ZFPM2: variants seen among roughly 807,000 people sequenced by gnomAD.
ZFPM2 encodes zinc finger protein, FOG family member 2, also known as zinc finger protein ZFPM2.
ZFPM2 carries 20 observed loss-of-function variants against 98.6 expected under a neutral mutation model. That is an observed-to-expected ratio of 0.20 (90% CI 0.14 to 0.29). The LOEUF is 0.29. Ranked by LOEUF, ZFPM2 falls within the 10% of genes least tolerant of loss-of-function variation. ZFPM2 has a pLI of 1.00. For synonymous variants in ZFPM2, 518 were observed against 502.7 expected (o/e 1.03, Z -0.41); for missense variants, 1,310 against 1,388.6 (o/e 0.94, Z 0.90).
intron 3 of ZFPM2, among the ~76,000 whole-genome samples, chr8:105,544,547 T>A (rs1017206758): frequency 4.6e-5 from 7 of 152,224 alleles, no homozygotes; most frequent in African/African-American, 1.7e-4. Context: ...TTGATAATAA[T>A]TTCATGCAAC....
At chr8:105,595,001 A>G (rs1301956570) in intron 4 of ZFPM2, among the ~76,000 whole-genome samples, 1 of 152,178 alleles carries the variant, frequency 6.6e-6, no homozygotes, top group East Asian at 1.9e-4. Context: ...AGCAGTAGAA[A>G]CAACTTCTAG....
intron 5 of ZFPM2, among the ~76,000 whole-genome samples, chr8:105,706,349 G>T (rs1177076144): frequency 1.3e-5 from 2 of 152,122 alleles, no homozygotes; most frequent in Admixed American, 1.3e-4. Context: ...GCGTATGACA[G>T]TATGCAAAAA....
chr8:105,789,367 GAATGATGA>G (rs1813527883), intron 6 of ZFPM2, among the ~76,000 whole-genome samples: 1 of 152,150 alleles, frequency 6.6e-6, no homozygotes, highest in African/African-American at 2.4e-5. Flanking sequence ...AGTTTACTGA[GAATGATGA>G]TTTCCAATTT....
At chr8:105,516,273 C>G (rs1006074195) in intron 3 of ZFPM2, among the ~76,000 whole-genome samples, 2 of 152,074 alleles carry the variant, frequency 1.3e-5, no homozygotes, top group East Asian at 1.9e-4. Context: ...CTGTTACCCC[C>G]CTTGAGACAG....
chr8:105,568,483 A>G (rs1815285637), intron 4 of ZFPM2, among the ~76,000 whole-genome samples: 1 of 152,112 alleles, frequency 6.6e-6, no homozygotes, highest in South Asian at 2.1e-4. Context: ...GCCTGTAACT[A>G]CTACCATCTC....
intron 3 of ZFPM2, among the ~76,000 whole-genome samples, chr8:105,470,009 G>T (rs966734016): frequency 6.6e-6 from 1 of 152,132 alleles, no homozygotes; most frequent in African/African-American, 2.4e-5. Flanking sequence ...ATTAGCCATT[G>T]TTATGATAAT....
At chr8:105,482,397 A>T (rs1382999223) in intron 3 of ZFPM2, among the ~76,000 whole-genome samples, 1 of 152,098 alleles carries the variant, frequency 6.6e-6, no homozygotes, top group Non-Finnish European at 1.5e-5. Context: ...TTAAATTCAG[A>T]TGCTTTGTCC....
intron 1 of ZFPM2, among the ~76,000 whole-genome samples, chr8:105,401,323 G>A (rs1445620051): frequency 1.3e-5 from 2 of 151,838 alleles, no homozygotes; most frequent in African/African-American, 4.8e-5. Context: ...TTTTAAAAGT[G>A]ATTTTGTGCT....
chr8:105,793,245 A>C (rs1327865445), intron 6 of ZFPM2, among the ~76,000 whole-genome samples: 1 of 152,010 alleles, frequency 6.6e-6, no homozygotes, highest in Non-Finnish European at 1.5e-5. Flanking sequence ...TTCCATGTTT[A>C]GTGCTTCCTT....
At chr8:105,529,193 C>G (rs73304198) in intron 3 of ZFPM2, among the ~76,000 whole-genome samples, 129 of 152,090 alleles carry the variant, frequency 8.5e-4, no homozygotes, top group Middle Eastern at 3.4e-3. Flanking sequence ...TGTCTCTGTC[C>G]TCAACTCCTT....
intron 1 of ZFPM2, among the ~76,000 whole-genome samples, chr8:105,396,269 C>CT (rs1167264131): frequency 1.3e-5 from 2 of 152,256 alleles, no homozygotes; most frequent in African/African-American, 4.8e-5. Context: ...CAAACATTGA[C>CT]TATAGGAGTG....
chr8:105,586,862 A>ATTTTATATATATATATG (rs1321454741), intron 4 of ZFPM2, among the ~76,000 whole-genome samples: 1 of 148,524 alleles, frequency 6.7e-6, no homozygotes, highest in Non-Finnish European at 1.5e-5. Flanking sequence ...ATATATATAT[A>ATTTTATATATATATATG]TATTCTTTTG....
At chr8:105,717,936 A>G (rs1811563600) in intron 5 of ZFPM2, among the ~76,000 whole-genome samples, 1 of 151,794 alleles carries the variant, frequency 6.6e-6, no homozygotes, top group Non-Finnish European at 1.5e-5. Context: ...CTGGGCTGAA[A>G]CTTGAACCCA....
intron 5 of ZFPM2, among the ~76,000 whole-genome samples, chr8:105,703,479 A>G (rs553743547): frequency 6.6e-6 from 1 of 152,278 alleles, no homozygotes; most frequent in East Asian, 1.9e-4. Flanking sequence ...AGGGCAATCG[A>G]GGTACACAAA....
In ZFPM2 at chr8:105,791,351, G is replaced by A. The variant is rs992444323; in HGVS notation, c.739+2427G>A. On this transcript the variant is annotated intron_variant, in intron 6 of 7. Transcript: ENST00000407775. ...TTTCTGCATCTATTGAGATAATCAT[G>A]TGGTTTTTGTCTTTGGTTCTGTTTA... 2.0e-5 allele frequency among the ~76,000 whole-genome samples: 3 copies of A among 152,308 alleles called. No individual in the cohort carries two copies. The East Asian group carries it at 5.8e-4, about 29-fold the overall frequency.
At chr8:105,485,718 C>G (rs1363840327) in intron 3 of ZFPM2, among the ~76,000 whole-genome samples, 1 of 151,896 alleles carries the variant, frequency 6.6e-6, no homozygotes, top group African/African-American at 2.4e-5. Context: ...ATTTCAAGAG[C>G]AAAGACAGAT....
intron 1 of ZFPM2, among the ~76,000 whole-genome samples, chr8:105,338,832 A>C (rs1812371714): frequency 1.3e-5 from 2 of 151,920 alleles, no homozygotes; most frequent in Non-Finnish European, 2.9e-5. Flanking sequence ...TTGAGATTTT[A>C]CTGTGGGTAG....
At chr8:105,323,185 T>C (rs913030752) in intron 1 of ZFPM2, among the ~76,000 whole-genome samples, 20 of 151,888 alleles carry the variant, frequency 1.3e-4, no homozygotes, top group East Asian at 3.8e-4. Flanking sequence ...GGGTTAATTA[T>C]CTACTGTGTT....
At chr8:105,709,387 G>A (rs560586050) in intron 5 of ZFPM2, among the ~76,000 whole-genome samples, 10 of 152,092 alleles carry the variant, frequency 6.6e-5, no homozygotes, top group African/African-American at 2.2e-4. Context: ...AGATTAGACA[G>A]GTGTTCTTGA....
Sources: allele counts gnomAD v4.1 joint callset (sites outside exome capture counted in the v4.1 genomes callset), GRCh38; gene constraint gnomAD v4.1.1; transcripts MANE v1.5; gene names NCBI Gene and HGNC (gene_info 2026-07-23, HGNC 2026-07-21).